LDB2: variants seen among roughly 807,000 people sequenced by gnomAD.
LDB2 encodes LIM domain binding 2, also known as LIM domain-binding protein 2.
In LDB2, 12 loss-of-function variants were observed where a neutral mutation model predicts 44.3. The observed-to-expected ratio is 0.27, with a 90% CI of 0.17 to 0.44. The LOEUF (loss-of-function observed/expected upper bound fraction) is 0.44, where lower values mean the gene tolerates loss of function less well. Among genes scored for constraint, LDB2 ranks in the 20% least tolerant of loss-of-function variants. LDB2 has a pLI of 1.00. For synonymous variants in LDB2, 164 were observed against 174.8 expected, an observed-to-expected ratio of 0.94 and a Z score of 0.49; for missense variants, 344 against 473.5, an observed-to-expected ratio of 0.73 and a Z score of 2.54.
intron 2 of LDB2, among the ~76,000 whole-genome samples, chr4:16,689,951 C>T (rs556719874): frequency 1.3e-5 from 2 of 152,200 alleles, no homozygotes; most frequent in African/African-American, 2.4e-5. Flanking sequence ...TTAACACTAC[C>T]TCTAATGAGA....
intron 2 of LDB2, among the ~76,000 whole-genome samples, chr4:16,734,442 T>G (rs533825): frequency 0.52 from 78,115 of 151,530 alleles, 20,294 homozygotes; most frequent in East Asian, 0.76. Flanking sequence ...AACGGTGCCT[T>G]GGACTCAGAA....
At chr4:16,725,160 G>A (rs1435051222) in intron 2 of LDB2, among the ~76,000 whole-genome samples, 3 of 152,014 alleles carry the variant, frequency 2.0e-5, no homozygotes, top group Non-Finnish European at 4.4e-5. Flanking sequence ...TCACTGACAT[G>A]AAACTGAGTT....
At chr4:16,589,824 A>G (rs1718288144) in intron 3 of LDB2, among the ~76,000 whole-genome samples, 1 of 152,216 alleles carries the variant, frequency 6.6e-6, no homozygotes, top group Admixed American at 6.5e-5. Flanking sequence ...ATCAGAGGGT[A>G]CTGGATTTGA....
chr4:16,759,322 G>A, intron 1 of LDB2, 62 bp from the exon 2 acceptor site: 1 of 1,229,960 alleles, frequency 8.1e-7, no homozygotes, highest in South Asian at 1.2e-5. Flanking sequence ...AAGAGGAAGA[G>A]AAAAGGGAAG....
chr4:16,515,333 T>C (rs1723235312), intron 5 of LDB2, among the ~76,000 whole-genome samples: 1 of 152,200 alleles, frequency 6.6e-6, no homozygotes. Flanking sequence ...ATGTTCACTA[T>C]TTGAGTGACG....
At position 16,814,900 on chromosome 4, in the gene LDB2, T is replaced by G. The variant is rs7688119; in HGVS notation, c.133-55640A>C. Among the ~76,000 whole-genome samples the G allele has an allele frequency of 8.1e-3, 1,238 of 152,282 alleles. 19 individuals carry two copies. Among genetic ancestry groups the G allele is most frequent in the African/African-American group, 0.028 (1,153 of 41,558 alleles). ...ATTTGCAACCTTTCTTTTTCGAACTTGCAGAAGTTGGAAGAAAAAAACATT... is the reference window on the plus strand; with the variant it reads ...ATTTGCAACCTTTCTTTTTCGAACTGGCAGAAGTTGGAAGAAAAAAACATT... On this transcript the variant is annotated intron_variant, in intron 1 of 7. Coordinates refer to ENST00000304523, the MANE Select transcript of LDB2 (RefSeq NM_001290.5).
At chr4:16,896,705 G>A (rs528230037) in intron 1 of LDB2, among the ~76,000 whole-genome samples, 78 of 151,970 alleles carry the variant, frequency 5.1e-4, no homozygotes, top group Non-Finnish European at 1.0e-3. Context: ...TTCCAAATTT[G>A]TATTGCAATT....
chr4:16,570,021 A>C (rs957716322), intron 5 of LDB2, among the ~76,000 whole-genome samples: 1 of 152,120 alleles, frequency 6.6e-6, no homozygotes, highest in Non-Finnish European at 1.5e-5. Context: ...TCAAGTATTC[A>C]CCCAAAGTGT....
At chr4:16,775,243 A>G (rs181587173) in intron 1 of LDB2, among the ~76,000 whole-genome samples, 8 of 152,344 alleles carry the variant, frequency 5.3e-5, no homozygotes, top group Non-Finnish European at 1.0e-4. Flanking sequence ...TAAATGCCCA[A>G]CAAAGGACAC....
chr4:16,759,143 A>C lies in LDB2; in HGVS notation c.235+15T>G. On this transcript the variant is annotated intron_variant, in intron 2 of 7. Transcript: ENST00000304523. ...CAAAACGAGGTAATATTAGAAAAAT[A>C]AACTTCTTTCTTACTGTATCGCTTT... The C allele has an allele frequency of 6.4e-7, 1 of 1,574,678 alleles. No homozygotes were observed. The highest frequency in any genetic ancestry group is 8.7e-7 in the Non-Finnish European group (1 of 1,144,350).
chr4:16,648,960 T>C (rs1432941788), intron 2 of LDB2, among the ~76,000 whole-genome samples: 1 of 152,010 alleles, frequency 6.6e-6, no homozygotes, highest in Non-Finnish European at 1.5e-5. Context: ...AAGCCAATAA[T>C]TTGATTTTTT....
chr4:16,755,667 T>G (rs1766481463), intron 2 of LDB2, among the ~76,000 whole-genome samples: 1 of 152,082 alleles, frequency 6.6e-6, no homozygotes, highest in Non-Finnish European at 1.5e-5. Flanking sequence ...AAAGGACCGT[T>G]TTTAGCCCTA....
intron 2 of LDB2, among the ~76,000 whole-genome samples, chr4:16,703,833 A>G (rs1258460293): frequency 6.6e-6 from 1 of 152,214 alleles, no homozygotes; most frequent in African/African-American, 2.4e-5. Flanking sequence ...ACTGTTTGAA[A>G]ATTAGATATA....
rs1554036976 is a variant in LDB2 at position 16,821,394 on chromosome 4, T to TA, written c.133-62135_133-62134insT. Among the ~76,000 whole-genome samples the TA allele has an allele frequency of 2.2e-3, 323 of 149,310 alleles. 5 individuals are homozygous for TA. The East Asian group carries it at 0.037, about 17-fold the overall frequency. On this transcript the variant is annotated intron_variant, in intron 1 of 7. Transcript: ENST00000304523. ...TATTTGAATTTTTTTTTTATTTTTTTTTTTTTGGAGACGGAGTCTCGCTCT... is the reference window on the plus strand; with the variant it reads ...TATTTGAATTTTTTTTTTATTTTTTTATTTTTTGGAGACGGAGTCTCGCTCT...
At chr4:16,836,364 G>A (rs963627921) in intron 1 of LDB2, among the ~76,000 whole-genome samples, 1 of 152,178 alleles carries the variant, frequency 6.6e-6, no homozygotes, top group Non-Finnish European at 1.5e-5. Context: ...TGGGTTCTGA[G>A]GATGGCTGGA....
intron 5 of LDB2, among the ~76,000 whole-genome samples, chr4:16,523,062 C>T (rs566383634): frequency 1.2e-4 from 18 of 152,310 alleles, no homozygotes; most frequent in Middle Eastern, 3.4e-3. Context: ...TGTCTATTGT[C>T]TGTCACTATA....
At chr4:16,791,963 C>T (rs2109614137) in intron 1 of LDB2, among the ~76,000 whole-genome samples, 1 of 152,318 alleles carries the variant, frequency 6.6e-6, no homozygotes, top group South Asian at 2.1e-4. Context: ...TTATGTGATA[C>T]TTCCTGATCC....
intron 5 of LDB2, among the ~76,000 whole-genome samples, chr4:16,554,121 G>A (rs1315634176): frequency 1.3e-5 from 2 of 150,888 alleles, no homozygotes; most frequent in Non-Finnish European, 3.0e-5. Context: ...TGCAATCTCG[G>A]CTCACCACAA....
rs550949903 is a variant in LDB2 at position 16,796,755 on chromosome 4, C to G, written c.133-37495G>C. On this transcript the variant is annotated intron_variant, in intron 1 of 7. Coordinates refer to ENST00000304523, the MANE Select transcript of LDB2 (RefSeq NM_001290.5). ...CGTCACTAATAAGCCATGTTGGTAA[C>G]ATGTGCCTTTCATAGGATGTGATGA... 2.4e-4 allele frequency among the ~76,000 whole-genome samples: 37 copies of G among 152,302 alleles called. 2 individuals carry two copies. The South Asian group carries it at 7.5e-3, about 31-fold the overall frequency.
Sources: allele counts gnomAD v4.1 joint callset (sites outside exome capture counted in the v4.1 genomes callset), GRCh38; gene constraint gnomAD v4.1.1; transcripts MANE v1.5; gene names NCBI Gene and HGNC (gene_info 2026-07-23, HGNC 2026-07-21).